Variants in ADAMTS19 observed in about 807,000 individuals in gnomAD.
The protein encoded by ADAMTS19 is A disintegrin and metalloproteinase with thrombospondin motifs 19.
Under a neutral mutation model 153.3 loss-of-function variants are expected in ADAMTS19, and 93 were observed. The ratio of observed to expected loss-of-function variants is 0.61; its 90% CI spans 0.51 to 0.72. ADAMTS19 has a LOEUF of 0.72. Among genes scored for constraint, ADAMTS19 ranks in the 30% least tolerant of loss-of-function variants. ADAMTS19 has a pLI of 0.00. For synonymous variants in ADAMTS19, 600 were observed against 556.6 expected (o/e 1.08, Z -1.10); for missense variants, 1,482 against 1,552.1 (o/e 0.95, Z 0.76).
At chr5:129,610,264 A>G (rs966177079) in intron 8 of ADAMTS19, among the ~76,000 whole-genome samples, 1 of 152,128 alleles carries the variant, frequency 6.6e-6, no homozygotes, top group Non-Finnish European at 1.5e-5. Context: ...GTAAACGCAG[A>G]TTAGAATGGA....
At chr5:129,737,033 G>T in intron 22 of ADAMTS19, 34 bp from the exon 23 acceptor site, 1 of 1,544,704 alleles carries the variant, frequency 6.5e-7, no homozygotes, top group African/African-American at 1.4e-5. Flanking sequence ...TATGATATCT[G>T]CATGGAGTGA....
chr5:129,724,491 A>T (rs1322513865), intron 21 of ADAMTS19, among the ~76,000 whole-genome samples: 12 of 152,192 alleles, frequency 7.9e-5, no homozygotes, highest in Non-Finnish European at 2.9e-5. Context: ...ACTGAGAAGC[A>T]TAAGGCAGAA....
intron 2 of ADAMTS19, among the ~76,000 whole-genome samples, chr5:129,486,498 G>A (rs1246176442): frequency 2.0e-5 from 3 of 152,106 alleles, no homozygotes; most frequent in South Asian, 2.1e-4. Context: ...ATAACAGTGT[G>A]AATTACATGC....
intron 10 of ADAMTS19, among the ~76,000 whole-genome samples, chr5:129,638,535 T>G (rs540673341): frequency 9.9e-5 from 15 of 151,298 alleles, no homozygotes; most frequent in African/African-American, 3.6e-4. Context: ...TTTGAGTCTT[T>G]GTTTCCTATT....
At chr5:129,582,531 G>A (rs6889316) in intron 7 of ADAMTS19, among the ~76,000 whole-genome samples, 105,468 of 151,696 alleles carry the variant, frequency 0.7, 37,773 homozygotes, top group Non-Finnish European at 0.8. Flanking sequence ...ACTGATAAGT[G>A]TTGACTATCC....
intron 4 of ADAMTS19, among the ~76,000 whole-genome samples, chr5:129,526,796 GTATT>G (rs146546228): frequency 0.031 from 4,619 of 151,314 alleles, 87 homozygotes; most frequent in South Asian, 0.063. Context: ...ATGTATGCAT[GTATT>G]TATTTATTTA....
At chr5:129,482,087 A>G (rs189896991) in intron 2 of ADAMTS19, among the ~76,000 whole-genome samples, 2 of 152,162 alleles carry the variant, frequency 1.3e-5, no homozygotes, top group Admixed American at 1.3e-4. Context: ...CAGACCAGTC[A>G]TTTTTAGGAA....
At chr5:129,578,016 G>A (rs114480750) in intron 7 of ADAMTS19, among the ~76,000 whole-genome samples, 1,917 of 134,262 alleles carry the variant, frequency 0.014, 35 homozygotes, top group Non-Finnish European at 0.022. Flanking sequence ...CTCCCTGAAG[G>A]AATTTATTGA....
At chr5:129,552,792 T>C (rs1051741825) in intron 7 of ADAMTS19, among the ~76,000 whole-genome samples, 1 of 152,062 alleles carries the variant, frequency 6.6e-6, no homozygotes, top group Non-Finnish European at 1.5e-5. Flanking sequence ...TAACCTAATT[T>C]TTCATCAACC....
intron 2 of ADAMTS19, among the ~76,000 whole-genome samples, chr5:129,503,187 C>T (rs547332376): frequency 2.2e-4 from 34 of 152,300 alleles, no homozygotes; most frequent in African/African-American, 7.5e-4. Flanking sequence ...ATACAATTCT[C>T]ATAGCCTTAT....
chr5:129,494,210 A>G (rs1184281411), intron 2 of ADAMTS19, among the ~76,000 whole-genome samples: 1 of 152,094 alleles, frequency 6.6e-6, no homozygotes, highest in African/African-American at 2.4e-5. Context: ...ATATTTCAAA[A>G]TACTTAATTA....
At chr5:129,532,585 A>G (rs1402960338) in intron 6 of ADAMTS19, among the ~76,000 whole-genome samples, 1 of 152,202 alleles carries the variant, frequency 6.6e-6, no homozygotes, top group Non-Finnish European at 1.5e-5. Flanking sequence ...CGCTTCTTAG[A>G]TATTTACTTA....
At chr5:129,467,596 T>A (rs1022006827) in intron 2 of ADAMTS19, among the ~76,000 whole-genome samples, 1 of 152,210 alleles carries the variant, frequency 6.6e-6, no homozygotes, top group Non-Finnish European at 1.5e-5. Flanking sequence ...TGTGTCAGAT[T>A]GACTTTAGAG....
At chr5:129,540,190 T>C (rs753724497) in intron 6 of ADAMTS19, among the ~76,000 whole-genome samples, 1 of 151,978 alleles carries the variant, frequency 6.6e-6, no homozygotes, top group South Asian at 2.1e-4. Flanking sequence ...AACTAGTAAA[T>C]GTTGGGGGTT....
At chr5:129,695,553 G>A (rs1197157766) in intron 19 of ADAMTS19, among the ~76,000 whole-genome samples, 5 of 152,202 alleles carry the variant, frequency 3.3e-5, no homozygotes, top group African/African-American at 1.2e-4. Context: ...AGACAGGTGA[G>A]TGGAACCTGA....
chr5:129,701,300 A>T, intron 19 of ADAMTS19, 88 bp from the exon 20 acceptor site: 1 of 1,447,948 alleles, frequency 6.9e-7, no homozygotes, highest in Non-Finnish European at 9.6e-7. Flanking sequence ...AGTCTTGGGT[A>T]TGTCTTTATT....
chr5:129,702,954 A>G (rs922360960), intron 20 of ADAMTS19, among the ~76,000 whole-genome samples: 7 of 135,100 alleles, frequency 5.2e-5, no homozygotes, highest in Admixed American at 5.2e-4. Flanking sequence ...ATATATATAT[A>G]TATATATATA....
intron 12 of ADAMTS19, among the ~76,000 whole-genome samples, chr5:129,648,291 A>G (rs964042361): frequency 1.3e-5 from 2 of 152,218 alleles, no homozygotes; most frequent in Non-Finnish European, 2.9e-5. Context: ...CATGCTAAGC[A>G]CAGGTACAGA....
chr5:129,606,902 C>CTTTATTTA (rs147321070), intron 8 of ADAMTS19, among the ~76,000 whole-genome samples: 4 of 149,880 alleles, frequency 2.7e-5, no homozygotes, highest in African/African-American at 7.4e-5. Context: ...TATGTTTCCA[C>CTTTATTTA]TTTATTTATT....
Sources: allele counts gnomAD v4.1 joint callset (sites outside exome capture counted in the v4.1 genomes callset), GRCh38; gene constraint gnomAD v4.1.1; transcripts MANE v1.5; gene names NCBI Gene and HGNC (gene_info 2026-07-23, HGNC 2026-07-21).